CTNS: variants seen among roughly 807,000 people sequenced by gnomAD.
CTNS encodes the protein cystinosin, lysosomal cystine transporter, also known as cystinosin.
Under a neutral mutation model 43.7 loss-of-function variants are expected in CTNS, and 27 were observed. That is an observed-to-expected ratio of 0.62 (90% CI 0.46 to 0.85). CTNS has a LOEUF of 0.85. Among genes scored for constraint, CTNS ranks in the 40% least tolerant of loss-of-function variants. The probability of loss-of-function intolerance (pLI) is 0.00; values close to 1 mark genes in which losing one functional copy is unlikely to be tolerated. For missense variants in CTNS, 457 were observed against 475.4 expected (o/e 0.96, Z 0.36); for synonymous variants, 187 against 190.6 (o/e 0.98, Z 0.16).
Position 3,655,004 on chromosome 17 carries a change from G to T in CTNS, c.232G>T (p.Val78Leu), listed in dbSNP as rs2076092517. Residue 78 changes from valine to leucine, a missense_variant, in exon 6 of 12, where the codon GTG becomes TTG. Coordinates refer to ENST00000046640, the MANE Select transcript of CTNS (RefSeq NM_004937.3). ...ACCTCAGTCTTCCTAACAGGTTGTGGTGCCTCCTGGAGTGACAAACTCCTC... is the reference window on the plus strand; with the variant it reads ...ACCTCAGTCTTCCTAACAGGTTGTGTTGCCTCCTGGAGTGACAAACTCCTC... ...TILELPDEVV[V>L]PPGVTNSSFQ... 6.2e-7 allele frequency: 1 copy of T among 1,612,784 alleles called. No individual in the cohort carries two copies. Among genetic ancestry groups the T allele is most frequent in the Non-Finnish European group, 8.5e-7 (1 of 1,178,734 alleles).
rs886052875 is a variant in CTNS, at chr17:3,661,543, CTCTG to C, written c.*1176_*1179del. ...AAAACCTACTCGCTTCCTTTCTGCA[CTCTG>C]TGTGCTCGATACAGAAGGCAGGTGT... On this transcript the variant is annotated 3_prime_UTR_variant, in exon 12 of 12. Coordinates refer to ENST00000046640, the MANE Select transcript of CTNS (RefSeq NM_004937.3). The C allele has an allele frequency of 3.0e-5, 3 of 99,608 alleles. No homozygotes were observed. Among genetic ancestry groups the C allele is most frequent in the Non-Finnish European group, 4.7e-5 (2 of 42,600 alleles). The allele number at this position is 99,608 out of a possible 1,614,324, so 6.2% of individuals were successfully genotyped here. A position where few individuals can be genotyped will look rare whatever the true frequency, so the allele number is the denominator to read the frequency against.
rs559136759 is a variant in CTNS, at chr17:3,658,982, C to T, written c.852+807C>T. On this transcript the variant is annotated intron_variant, in intron 10 of 11. Coordinates refer to ENST00000046640, the MANE Select transcript of CTNS (RefSeq NM_004937.3). ...GGTCCCGGGAGCTGGGGGGGGCTTC[C>T]GAGGAGGGGAAGGTTTGGGGAAGTG... 9.4e-5 allele frequency among the ~76,000 whole-genome samples: 14 copies of T among 148,908 alleles called. No homozygotes were observed. In the East Asian group the frequency reaches 2.0e-3, roughly 21 times the overall value.
At chr17:3,650,176 G>A (rs758156677) in intron 5 of CTNS, 14 of 1,550,318 alleles carry the variant, frequency 9.0e-6, no homozygotes, top group Non-Finnish European at 1.2e-5. Context: ...TAATAAAGCT[G>A]GTGGAAGCAG....
chr17:3,651,396 G>A (rs1313038647), intron 5 of CTNS, among the ~76,000 whole-genome samples: 1 of 152,050 alleles, frequency 6.6e-6, no homozygotes, highest in Non-Finnish European at 1.5e-5. Flanking sequence ...TGGCCAAAGT[G>A]TCCTCTTTTT....
intron 3 of CTNS, among the ~76,000 whole-genome samples, chr17:3,642,076 TGTGTGTGCCTGGGC>T (rs1444198604): frequency 3.4e-5 from 5 of 147,450 alleles, no homozygotes; most frequent in South Asian, 2.1e-4. Context: ...TGTGTGTGTG[TGTGTGTGCCTGGGC>T]GTGTGTGTGT....
At position 3,661,051 on chromosome 17, in the gene CTNS, C is replaced by T. The variant is rs539496021; in HGVS notation, c.*682C>T. ...ACTCCTTTCAGATTTTTTGGAGGGA[C>T]GTTTGGAAGTGGCTTACTCTCTTCT... is the stretch of plus-strand genomic sequence containing the variant. On this transcript the variant is annotated 3_prime_UTR_variant, in exon 12 of 12. Coordinates refer to ENST00000046640, the MANE Select transcript of CTNS (RefSeq NM_004937.3). 4.2e-5 allele frequency: 17 copies of T among 408,064 alleles called. No individual in the cohort carries two copies. Among genetic ancestry groups the T allele is most frequent in the African/African-American group, 1.0e-4 (5 of 49,118 alleles). The allele number at this position is 408,064 out of a possible 1,614,324, so 25.3% of individuals were successfully genotyped here.
rs1567719462 is a variant in CTNS, at chr17:3,662,002, CAG to C, written c.*1637_*1638del. Among the ~76,000 whole-genome samples the C allele has an allele frequency of 1.3e-5, 2 of 152,188 alleles. No homozygotes were observed. Among genetic ancestry groups the C allele is most frequent in the Admixed American group, 1.3e-4 (2 of 15,282 alleles). On this transcript the variant is annotated 3_prime_UTR_variant, in exon 12 of 12. Coordinates refer to ENST00000046640, the MANE Select transcript of CTNS (RefSeq NM_004937.3). ...TTACTGGGTGCCCTACTTTAAAAAT[CAG>C]AGATTTCAAATGATTGACTTTTCCG...
At chr17:3,656,835 A>C in intron 9 of CTNS, 40 bp downstream of exon 9, 1 of 1,611,580 alleles carries the variant, frequency 6.2e-7, no homozygotes, top group Non-Finnish European at 8.5e-7. Flanking sequence ...ACCCCAGCCA[A>C]CACCCGCCAC....
rs2076257095 is a variant in CTNS at position 3,660,358 on chromosome 17, C to T, written c.1093C>T (p.Gln365Ter). 2 of 1,614,102 alleles carry T rather than the reference C, an allele frequency of 1.2e-6. No individual in the cohort carries two copies. The highest frequency in any genetic ancestry group is 1.7e-6 in the Non-Finnish European group (2 of 1,180,050). ...GTACAGAAAGAGACCGGGGTATGAC[C>T]AGCTGAACTAGCACCCAGGGACCCA... ...CLYRKRPGYDQLN is the reference protein window; with the variant it reads ...CLYRKRPGYD The change falls in exon 12 of 12, where the codon CAG (glutamine) becomes TAG (stop). Residue 365 changes from glutamine (Q) to a stop codon, truncating the protein, a stop_gained. Transcript: ENST00000046640. LOFTEE classifies it high-confidence loss of function.
rs753058855 is a variant in CTNS at position 3,656,845 on chromosome 17, C to T, written c.681+50C>T. ...AGGCCACCCCAGCCAACACCCGCCA[C>T]CCCACCTCACCTTTGACAGAAGACA... On this transcript the variant is annotated intron_variant, in intron 9 of 11. Transcript: ENST00000046640. 3.7e-6 allele frequency: 6 copies of T among 1,610,312 alleles called. No individual in the cohort carries two copies. In the South Asian group the frequency reaches 5.5e-5, roughly 15 times the overall value.
chr17:3,649,970 C>T (rs900150304), intron 5 of CTNS, among the ~76,000 whole-genome samples: 1 of 152,104 alleles, frequency 6.6e-6, no homozygotes, highest in Non-Finnish European at 1.5e-5. Context: ...CCTAAATGTT[C>T]CCACCACAGC....
chr17:3,651,978 AAAAAG>A (rs57204960), intron 5 of CTNS, among the ~76,000 whole-genome samples: 1,810 of 149,676 alleles, frequency 0.012, 72 homozygotes, highest in African/African-American at 0.043. Context: ...TGTCTCAAAA[AAAAAG>A]AAAAGAAAAG....
At chr17:3,651,668 A>T (rs1042216027) in intron 5 of CTNS, among the ~76,000 whole-genome samples, 5 of 152,014 alleles carry the variant, frequency 3.3e-5, no homozygotes, top group South Asian at 4.1e-4. Context: ...TTCAGTTTTT[A>T]AAAAAGTCTT....
intron 5 of CTNS, among the ~76,000 whole-genome samples, chr17:3,651,097 C>T (rs961104573): frequency 4.0e-5 from 6 of 150,546 alleles, no homozygotes; most frequent in South Asian, 2.1e-4. Context: ...GCCACTGGCC[C>T]GGCCATTGAT....
In CTNS at chr17:3,660,377, G is replaced by T; in HGVS notation, c.*8G>T. ...TATGACCAGCTGAACTAGCACCCAGGGACCCAGTGTACCCAGCCTCTGGCC... is the reference window on the plus strand; with the variant it reads ...TATGACCAGCTGAACTAGCACCCAGTGACCCAGTGTACCCAGCCTCTGGCC... On this transcript the variant is annotated 3_prime_UTR_variant, in exon 12 of 12. Coordinates refer to ENST00000046640, the MANE Select transcript of CTNS (RefSeq NM_004937.3). The T allele has an allele frequency of 6.2e-7, 1 of 1,614,118 alleles. No homozygotes were observed. The highest frequency in any genetic ancestry group is 8.5e-7 in the Non-Finnish European group (1 of 1,180,036).
intron 10 of CTNS, among the ~76,000 whole-genome samples, chr17:3,659,060 G>A (rs1325741486): frequency 5.3e-5 from 8 of 152,160 alleles, no homozygotes; most frequent in Non-Finnish European, 7.4e-5. Context: ...CGGGGATGGA[G>A]GAGCCCAGGT....
intron 3 of CTNS, among the ~76,000 whole-genome samples, chr17:3,641,588 TC>T (rs2075709546): frequency 6.6e-6 from 1 of 151,444 alleles, no homozygotes; most frequent in Non-Finnish European, 1.5e-5. Context: ...AGATGGGGTT[TC>T]ACCATGTTGG....
intron 4 of CTNS, 32 bp downstream of exon 4, chr17:3,647,554 T>A (rs761890932): frequency 6.2e-7 from 1 of 1,600,926 alleles, no homozygotes; most frequent in Admixed American, 1.7e-5. Flanking sequence ...TGTGCTCAGC[T>A]CCGCTCAGGC....
intron 9 of CTNS, among the ~76,000 whole-genome samples, chr17:3,657,201 G>A (rs1279591705): frequency 6.6e-6 from 1 of 152,196 alleles, no homozygotes; most frequent in Non-Finnish European, 1.5e-5. Context: ...GGAGGGGCCA[G>A]GGTGGGCTCC....
Sources: allele counts gnomAD v4.1 joint callset (sites outside exome capture counted in the v4.1 genomes callset), GRCh38; gene constraint gnomAD v4.1.1; transcripts MANE v1.5; gene names NCBI Gene and HGNC (gene_info 2026-07-23, HGNC 2026-07-21).